Variants in VIM observed in about 807,000 individuals in gnomAD.
VIM encodes epididymis secretory sperm binding protein.
Under a neutral mutation model 50.3 loss-of-function variants are expected in VIM, and 18 were observed. The ratio of observed to expected loss-of-function variants is 0.36; its 90% CI spans 0.25 to 0.53. The LOEUF (loss-of-function observed/expected upper bound fraction) is 0.53, where lower values mean the gene tolerates loss of function less well. VIM is among the 20% of genes least tolerant of loss of function. The pLI, the probability that VIM is intolerant of heterozygous loss-of-function variation, is 0.91. For missense variants in VIM, 551 were observed against 614.7 expected (o/e 0.90, Z 1.10); for synonymous variants, 245 against 248.5 (o/e 0.99, Z 0.13).
chr10:17,234,950 G>A (rs1230468775), intron 6 of VIM, 132 bp downstream of exon 6: 5 of 1,410,254 alleles, frequency 3.5e-6, no homozygotes, highest in African/African-American at 1.4e-5. Flanking sequence ...GAGTTATCAA[G>A]ACAGACTCAA....
intron 5 of VIM, 22 bp from the exon 6 acceptor site, chr10:17,234,671 A>G (rs370402440): frequency 2.1e-5 from 34 of 1,613,154 alleles, no homozygotes; most frequent in Non-Finnish European, 2.6e-5. Context: ...AGCAATCTAC[A>G]TTTCTGTTTT....
intron 1 of VIM, 169 bp from the exon 2 acceptor site, chr10:17,229,107 C>T: frequency 2.0e-6 from 1 of 511,250 alleles, no homozygotes; most frequent in Non-Finnish European, 3.5e-6. Context: ...CATGCCCAGT[C>T]CCAGGCCCCG....
rs1846834198 is a variant in VIM, at chr10:17,233,647, G to C, written c.685G>C (p.Glu229Gln). 6.2e-7 allele frequency: 1 copy of C among 1,614,222 alleles called. No individual in the cohort carries two copies. Among genetic ancestry groups the C allele is most frequent in the South Asian group, 1.1e-5 (1 of 91,088 alleles). Residue 229 changes from glutamate (E) to glutamine (Q), a missense_variant, in exon 4 of 10, where the codon GAA becomes CAA. By Grantham distance (29) the Glu-to-Gln change is conservative (BLOSUM62 2). Around this residue, in one of 3 missense-constraint regions of VIM, gnomAD observed 394 missense variants for 437.5 expected, o/e 0.90. Transcript: ENST00000544301. ...TGAACGCAAAGTGGAATCTTTGCAA[G>C]AAGAGATTGCCTTTTTGAAGAAACT... ...DLERKVESLQEEIAFLKKLHE... is the reference protein window; with the variant it reads ...DLERKVESLQQEIAFLKKLHE...
Position 17,237,531 on chromosome 10 carries a change from T to C in VIM, c.*260T>C. 1 of 386,588 alleles carries C rather than the reference T, an allele frequency of 2.6e-6. No homozygotes were observed. Among genetic ancestry groups the C allele is most frequent in the East Asian group, 4.2e-5 (1 of 23,782 alleles). The allele number at this position is 386,588 out of a possible 1,614,324, so 23.9% of individuals were successfully genotyped here. ...TATTTTGAATACCATTAAAACTGCT[T>C]TTTTTTTTCCAGCAAGTATCCAACC... is the stretch of plus-strand genomic sequence containing the variant. On this transcript the variant is annotated 3_prime_UTR_variant, in exon 10 of 10. Coordinates refer to ENST00000544301, the MANE Select transcript of VIM (RefSeq NM_003380.5).
chr10:17,230,561 GCGCAGAGCGAATA>G, intron 2 of VIM, 76 bp from the exon 3 acceptor site: 1 of 1,400,036 alleles, frequency 7.1e-7, no homozygotes, highest in Non-Finnish European at 1.0e-6. Context: ...TGCTCTGGAG[GCGCAGAGCGAATA>G]CGTGGTGTTT....
In VIM at chr10:17,230,688, A is replaced by T. The variant is rs765911800; in HGVS notation, c.602A>T (p.Asn201Ile). 6.2e-7 allele frequency: 1 copy of T among 1,614,138 alleles called. No homozygotes were observed. The change falls in exon 3 of 10, where the codon AAC becomes ATC. Residue 201 changes from asparagine to isoleucine, a missense_variant. Coordinates refer to ENST00000544301, the MANE Select transcript of VIM (RefSeq NM_003380.5). ...ATGCTTCAGAGAGAGGAAGCCGAAA[A>T]CACCCTGCAATCTTTCAGACAGGTT... ...EEMLQREEAENTLQSFRQDVD... is the reference protein window; with the variant it reads ...EEMLQREEAEITLQSFRQDVD...
In VIM at chr10:17,236,741, TC is replaced by T. The variant is rs1481220355; in HGVS notation, c.1359+364del. On this transcript the variant is annotated intron_variant, in intron 9 of 9. Coordinates refer to ENST00000544301, the MANE Select transcript of VIM (RefSeq NM_003380.5). ...TTTTGATCCTGGACATATGGTGTCT[TC>T]CTACCTCCATACTTTATAGATTCCT... 6.3e-4 allele frequency among the ~76,000 whole-genome samples: 96 copies of T among 152,318 alleles called. 1 individual carries two copies. The highest frequency in any genetic ancestry group is 2.3e-3 in the African/African-American group (94 of 41,564).
chr10:17,229,964 A>C lies in VIM; in HGVS notation c.542A>C (p.Asp181Ala), dbSNP rs149942621. ...GTGGAGCGCGACAACCTGGCCGAGG[A>C]CATCATGCGCCTCCGGGAGAAGTAA... ...VEVERDNLAEDIMRLREKLQE... is the reference protein window; with the variant it reads ...VEVERDNLAEAIMRLREKLQE... Residue 181 changes from aspartate to alanine, a missense_variant, in exon 2 of 10, where the codon GAC becomes GCC. Coordinates refer to ENST00000544301, the MANE Select transcript of VIM (RefSeq NM_003380.5). 2.3e-4 allele frequency: 373 copies of C among 1,612,268 alleles called. 2 individuals are homozygous for C. The African/African-American group carries it at 3.2e-3, about 14-fold the overall frequency.
At position 17,235,742 on chromosome 10, in the gene VIM, C is replaced by T. The variant is rs1846876099; in HGVS notation, c.1230-104C>T. 5 of 1,082,558 alleles carry T rather than the reference C, an allele frequency of 4.6e-6. No homozygotes were observed. In the Admixed American group the frequency reaches 7.3e-5, roughly 16 times the overall value. 67.1% of individuals were successfully genotyped at this position (1,082,558 alleles called of 1,614,324 possible). ...CAAATCTCTAGTTTATGATTTAAAA[C>T]AGTACGTTTTCTTACGTGACGAAAA... On this transcript the variant is annotated intron_variant, in intron 7 of 9. Transcript: ENST00000544301.
chr10:17,228,333 T>A lies in VIM; in HGVS notation c.-339T>A, dbSNP rs1643293253. 1 of 152,022 alleles carries A rather than the reference T, an allele frequency of 6.6e-6. No homozygotes were observed. The highest frequency in any genetic ancestry group is 1.5e-5 in the Non-Finnish European group (1 of 68,024). 9.4% of individuals were successfully genotyped at this position (152,022 alleles called of 1,614,324 possible). A position where few individuals can be genotyped will look rare whatever the true frequency, so the allele number is the denominator to read the frequency against. ...TCGAGCAAAGACAGGCTTTAGCGAGTTATTAAAAACTTAGGGGCGCTCTTG... is the reference window on the plus strand; with the variant it reads ...TCGAGCAAAGACAGGCTTTAGCGAGATATTAAAAACTTAGGGGCGCTCTTG... On this transcript the variant is annotated 5_prime_UTR_variant, in exon 1 of 10. Coordinates refer to ENST00000544301, the MANE Select transcript of VIM (RefSeq NM_003380.5).
chr10:17,232,998 A>G (rs1411749969), intron 3 of VIM, among the ~76,000 whole-genome samples: 5 of 152,244 alleles, frequency 3.3e-5, no homozygotes, highest in Non-Finnish European at 7.3e-5. Context: ...CCCAGGCTGG[A>G]GTGCAGTGGC....
chr10:17,230,085 A>T, intron 2 of VIM, 100 bp downstream of exon 2: 1 of 1,408,496 alleles, frequency 7.1e-7, no homozygotes, highest in Middle Eastern at 2.4e-4. Context: ...GCCCTTGGGG[A>T]TGTGGCCGGG....
intron 9 of VIM, 140 bp downstream of exon 9, chr10:17,236,519 G>T: frequency 1.3e-6 from 1 of 759,180 alleles, no homozygotes; most frequent in Non-Finnish European, 2.3e-6. Flanking sequence ...AAAAGAATAG[G>T]CTTCTTCTTC....
chr10:17,233,295 T>C, intron 3 of VIM: 1 of 398,290 alleles, frequency 2.5e-6, no homozygotes, highest in South Asian at 2.2e-5. Flanking sequence ...GATTCAGTCA[T>C]GATTGAGTGC....
Position 17,229,567 on chromosome 10 carries a change from A to G in VIM, c.145A>G (p.Ser49Gly), listed in dbSNP as rs769749512. 2 of 1,608,880 alleles carry G rather than the reference A, an allele frequency of 1.2e-6. No homozygotes were observed. The highest frequency in any genetic ancestry group is 1.7e-5 in the Admixed American group (1 of 59,856). Residue 49 changes from serine to glycine, a missense_variant, in exon 2 of 10, where the codon AGC becomes GGC. Around this residue, in one of 3 missense-constraint regions of VIM, gnomAD observed 134 missense variants for 126.4 expected, o/e 1.06. Transcript: ENST00000544301. ...SLGSALRPST[S>G]RSLYASSPGG... ...GGGCAGCGCGCTGCGCCCCAGCACC[A>G]GCCGCAGCCTCTACGCCTCGTCCCC... is the stretch of plus-strand genomic sequence containing the variant.
In VIM at chr10:17,234,079, C is replaced by G. The variant is rs529939019; in HGVS notation, c.882+148C>G. 3 of 882,346 alleles carry G rather than the reference C, an allele frequency of 3.4e-6. No individual in the cohort carries two copies. The African/African-American group carries it at 5.0e-5, about 15-fold the overall frequency. The allele number at this position is 882,346 out of a possible 1,614,324, so 54.7% of individuals were successfully genotyped here. ...CATATTGTGTTTGCCACCACAGCCT[C>G]CCCACCACTCACATCACCTCCTTTA... On this transcript the variant is annotated intron_variant, in intron 5 of 9. Transcript: ENST00000544301.
intron 3 of VIM, among the ~76,000 whole-genome samples, chr10:17,232,062 A>T (rs931779519): frequency 6.6e-6 from 1 of 152,228 alleles, no homozygotes; most frequent in African/African-American, 2.4e-5. Context: ...AGTTAACATA[A>T]AACAACATCA....
intron 1 of VIM, 177 bp from the exon 2 acceptor site, chr10:17,229,099 T>A (rs1846730801): frequency 2.0e-6 from 1 of 491,882 alleles, no homozygotes; most frequent in East Asian, 3.9e-5. Context: ...AACGGGACCA[T>A]GCCCAGTCCC....
In VIM at chr10:17,229,366, T is replaced by C. The variant is rs373139864; in HGVS notation, c.-57T>C. 223 of 1,537,356 alleles carry C rather than the reference T, an allele frequency of 1.5e-4. 2 individuals are homozygous for C. The East Asian group carries it at 1.8e-3, about 13-fold the overall frequency. ...CCACCGCGCCCTCGTTCGCCTCTTCTCCGGGAGCCAGTCCGCGCCACCGCC... is the reference window on the plus strand; with the variant it reads ...CCACCGCGCCCTCGTTCGCCTCTTCCCCGGGAGCCAGTCCGCGCCACCGCC... On this transcript the variant is annotated 5_prime_UTR_variant, in exon 2 of 10. Transcript: ENST00000544301.
Sources: gnomAD v4.1 joint callset for allele counts (sites outside exome capture counted in the v4.1 genomes callset) on GRCh38, gnomAD v4.1.1 for gene constraint, gnomAD v4.1.1 regional missense constraint, MANE v1.5 for transcripts, NCBI Gene and HGNC (gene_info 2026-07-23, HGNC 2026-07-21) for gene names.